The following CCDC144A variants were observed in gnomAD, a reference collection of about 807,000 sequenced individuals.
The protein encoded by CCDC144A is coiled-coil domain-containing protein 144A.
In CCDC144A, 41 loss-of-function variants were observed where a neutral mutation model predicts 143.8. The observed-to-expected ratio is 0.29, with a 90% CI of 0.22 to 0.37. The LOEUF is 0.37. Among genes scored for constraint, CCDC144A ranks in the 10% least tolerant of loss-of-function variants. The pLI is 1.00. For missense variants in CCDC144A, 637 were observed against 1,488.8 expected, an observed-to-expected ratio of 0.43 and a Z score of 9.41; for synonymous variants, 242 against 517.9, an observed-to-expected ratio of 0.47 and a Z score of 7.23.
the CCDC144A span, among the ~76,000 whole-genome samples, chr17:16,677,658 C>T: frequency 4.6e-5 from 7 of 151,822 alleles, no homozygotes; most frequent in Admixed American, 4.6e-4. Context: ...ATGGTGAAAC[C>T]GCGTCTCTAC....
chr17:16,746,272 T>TC lies in CCDC144A; in HGVS notation c.3372+10629_3372+10630insC, dbSNP rs1555534998. The stretch of plus-strand genomic sequence containing the variant: ...TTCTGTTTATCTGTCTCTCTCTCTC[T>TC]TTTTTTTTTTTTTTGCATCTTTCTT... On this transcript the variant is annotated intron_variant, in intron 12 of 16. Transcript: ENST00000399273. 6.3e-3 allele frequency: 3,550 copies of TC among 565,066 alleles called. 1 individual carries two copies. The highest frequency in any genetic ancestry group is 0.011 in the Admixed American group (92 of 8,124). The allele number at this position is 565,066 out of a possible 1,614,324, so 35.0% of individuals were successfully genotyped here.
chr17:16,683,412 T>C, the CCDC144A span: 2 of 910,660 alleles, frequency 2.2e-6, no homozygotes, highest in Admixed American at 5.5e-5. Context: ...GGAGTCAAAA[T>C]GCTTCCTGGT....
chr17:16,696,570 G>A (rs1911420182), intron 2 of CCDC144A, among the ~76,000 whole-genome samples: 1 of 149,906 alleles, frequency 6.7e-6, no homozygotes, highest in Admixed American at 6.6e-5. Context: ...GGAGGCAGAG[G>A]CTGCAGTGAG....
chr17:16,681,558 C>G, the CCDC144A span, among the ~76,000 whole-genome samples: 4 of 152,126 alleles, frequency 2.6e-5, no homozygotes, highest in African/African-American at 9.6e-5. Flanking sequence ...AGCGCAGGTA[C>G]TTTAAAACAG....
rs1597602371 is a variant in CCDC144A, at chr17:16,775,117, G to C, written c.*1484G>C. ...TTTCTTTATCCAGTTTATCATTGAT[G>C]GGCTTTTAGGTTGATTCTTTGTCTT... is the stretch of plus-strand genomic sequence containing the variant. On this transcript the variant is annotated 3_prime_UTR_variant, in exon 17 of 17. Coordinates refer to ENST00000399273, the MANE Select transcript of CCDC144A (RefSeq NM_001382000.1). The C allele has an allele frequency of 6.6e-6, 1 of 152,186 alleles. No individual in the cohort carries two copies. Among genetic ancestry groups the C allele is most frequent in the Non-Finnish European group, 1.5e-5 (1 of 68,058 alleles). 9.4% of individuals were successfully genotyped at this position (152,186 alleles called of 1,614,324 possible).
intron 15 of CCDC144A, among the ~76,000 whole-genome samples, chr17:16,769,014 A>G (rs1915720384): frequency 6.6e-6 from 1 of 152,210 alleles, no homozygotes; most frequent in Admixed American, 6.5e-5. Flanking sequence ...CACTAGCTCT[A>G]TTGCAGACTC....
intron 15 of CCDC144A, chr17:16,764,567 G>A: frequency 7.5e-6 from 2 of 265,744 alleles, no homozygotes; most frequent in South Asian, 1.0e-4. Flanking sequence ...GTCATCTCAG[G>A]TTTTCTACCT....
At chr17:16,696,152 A>T (rs575852433) in intron 2 of CCDC144A, among the ~76,000 whole-genome samples, 3,132 of 151,864 alleles carry the variant, frequency 0.021, 85 homozygotes, top group African/African-American at 0.068. Context: ...GTAGCTGGGA[A>T]TACAGGCGCG....
chr17:16,718,374 G>T (rs1358986114), intron 6 of CCDC144A, among the ~76,000 whole-genome samples: 3 of 152,194 alleles, frequency 2.0e-5, no homozygotes, highest in African/African-American at 7.2e-5. Context: ...TGCTGGGAAT[G>T]ATAGGGACAA....
At chr17:16,699,486 C>A in intron 2 of CCDC144A, among the ~76,000 whole-genome samples, 1 of 82,922 alleles carries the variant, frequency 1.2e-5, no homozygotes. Context: ...CACCATTCTC[C>A]TGCCTCAGCC....
chr17:16,769,406 C>A, intron 15 of CCDC144A, among the ~76,000 whole-genome samples: 1 of 152,228 alleles, frequency 6.6e-6, no homozygotes, highest in East Asian at 1.9e-4. Flanking sequence ...AATCCCATGT[C>A]TTTGTATGTA....
upstream of CCDC144A, among the ~76,000 whole-genome samples, chr17:16,688,858 C>T (rs150637107): frequency 1.2e-3 from 185 of 152,244 alleles, 2 homozygotes; most frequent in East Asian, 0.034. Flanking sequence ...AGTTACATTT[C>T]TTCTTTGCTA....
At chr17:16,674,848 C>G in the CCDC144A span, among the ~76,000 whole-genome samples, 1 of 151,752 alleles carries the variant, frequency 6.6e-6, no homozygotes, top group East Asian at 1.9e-4. Flanking sequence ...ATCTATAAAT[C>G]TAATCAAACA....
At chr17:16,717,146 C>G (rs1912819817) in intron 6 of CCDC144A, among the ~76,000 whole-genome samples, 1 of 124,640 alleles carries the variant, frequency 8.0e-6, no homozygotes, top group Non-Finnish European at 1.6e-5. Flanking sequence ...GTGACAGAGT[C>G]TCACTCTGTC....
At chr17:16,704,932 G>C (rs191200525) in intron 2 of CCDC144A, among the ~76,000 whole-genome samples, 26 of 152,226 alleles carry the variant, frequency 1.7e-4, no homozygotes, top group African/African-American at 6.0e-4. Context: ...ATAGTAAGCA[G>C]TAAAAATGTA....
chr17:16,673,061 A>T, the CCDC144A span, among the ~76,000 whole-genome samples: 1 of 152,154 alleles, frequency 6.6e-6, no homozygotes, highest in Non-Finnish European at 1.5e-5. Flanking sequence ...GAATGATAAC[A>T]CAATTGTACA....
At chr17:16,713,613 A>G (rs1450474405) in intron 6 of CCDC144A, among the ~76,000 whole-genome samples, 4 of 152,194 alleles carry the variant, frequency 2.6e-5, no homozygotes, top group Non-Finnish European at 5.9e-5. Flanking sequence ...CTTGGTCTTT[A>G]TGTATAAGCA....
At chr17:16,704,217 G>T (rs1224755797) in intron 2 of CCDC144A, among the ~76,000 whole-genome samples, 2 of 152,156 alleles carry the variant, frequency 1.3e-5, no homozygotes, top group Non-Finnish European at 2.9e-5. Flanking sequence ...CACTTTGGGA[G>T]GCCAAGGCAG....
At chr17:16,690,872 G>C in intron 1 of CCDC144A, 128 bp downstream of exon 1, 1 of 757,882 alleles carries the variant, frequency 1.3e-6, no homozygotes, top group Non-Finnish European at 2.2e-6. Context: ...AGTGAGACGG[G>C]ATCAAATATA....
Sources: allele counts gnomAD v4.1 joint callset (sites outside exome capture counted in the v4.1 genomes callset), GRCh38; gene constraint gnomAD v4.1.1; transcripts MANE v1.5; gene names NCBI Gene and HGNC (gene_info 2026-07-23, HGNC 2026-07-21).